The following BAHCC1 variants were observed in gnomAD, a reference collection of about 807,000 sequenced individuals.
BAHCC1 encodes the protein BAH domain and coiled-coil containing 1.
BAHCC1 carries 43 observed loss-of-function variants against 88.2 expected under a neutral mutation model. The ratio of observed to expected loss-of-function variants is 0.49; its 90% CI spans 0.38 to 0.63. BAHCC1 has a LOEUF of 0.63. Ranked by LOEUF, BAHCC1 falls within the 20% of genes least tolerant of loss-of-function variation. The pLI is 0.00. For missense variants in BAHCC1, 3,023 were observed against 1,654.8 expected (o/e 1.83, Z -14.34); for synonymous variants, 1,510 against 745.5 (o/e 2.03, Z -16.71).
chr17:81,463,851 G>A lies in BAHCC1; in HGVS notation c.*34G>A, dbSNP rs2030514716. On this transcript the variant is annotated 3_prime_UTR_variant, in exon 28 of 28. Transcript: ENST00000675386. ...CCGCAGATGCCTCCCACGTGCGCCAGGGACCCTGTGTGCGGAGCCTGGCGT... is the reference window on the plus strand; with the variant it reads ...CCGCAGATGCCTCCCACGTGCGCCAAGGACCCTGTGTGCGGAGCCTGGCGT... 1.4e-6 allele frequency: 1 copy of A among 700,948 alleles called. No homozygotes were observed. The highest frequency in any genetic ancestry group is 2.6e-6 in the Non-Finnish European group (1 of 383,876). 43.4% of individuals were successfully genotyped at this position (700,948 alleles called of 1,614,324 possible). A position where few individuals can be genotyped will look rare whatever the true frequency, so the allele number is the denominator to read the frequency against.
At position 81,463,811 on chromosome 17, in the gene BAHCC1, A is replaced by G. The variant is rs782790219; in HGVS notation, c.7821A>G (p.Leu2607=). The G allele has an allele frequency of 1.1e-5, 8 of 729,088 alleles. No individual in the cohort carries two copies. The highest frequency in any genetic ancestry group is 3.8e-5 in the Admixed American group (2 of 52,498). The allele number at this position is 729,088 out of a possible 1,614,324, so 45.2% of individuals were successfully genotyped here. ...TGACGGCTGATGGCGTGCCCATCCT[A>G]TGCTGAGCCGCCCACCGCAGATGCC... ...RLVTADGVPI[L]C The change falls in exon 28 of 28, where the codon CTA becomes CTG. Residue 2607 remains leucine, a synonymous_variant. Transcript: ENST00000675386.
chr17:81,457,325 C>T (rs1359585613), intron 16 of BAHCC1, 85 bp from the exon 17 acceptor site: 4 of 681,486 alleles, frequency 5.9e-6, no homozygotes, highest in Non-Finnish European at 1.1e-5. Context: ...CCCGCCATAA[C>T]CGCATGCCCA....
chr17:81,418,810 C>CGCGTGT (rs71302047), intron 2 of BAHCC1, among the ~76,000 whole-genome samples: 1 of 146,332 alleles, frequency 6.8e-6, no homozygotes, highest in Non-Finnish European at 1.5e-5. Flanking sequence ...TGTGTGTGTA[C>CGCGTGT]GTGTGTGTGT....
At position 81,435,814 on chromosome 17, in the gene BAHCC1, A is replaced by G. The variant is rs1319045714; in HGVS notation, c.359-2556A>G. ...GGCCGCAGCAGCCCTGCCTTCCCCC[A>G]CTCCTCAGTGGCAGCCCCTTCCAGG... On this transcript the variant is annotated intron_variant, in intron 3 of 27. Coordinates refer to ENST00000675386, the MANE Select transcript of BAHCC1 (RefSeq NM_001377448.1). The surrounding 1 kb of genome is among the most constrained non-coding windows in gnomAD (Gnocchi z 4.4). Among the ~76,000 whole-genome samples, 1 of 134,082 alleles carries G rather than the reference A, an allele frequency of 7.5e-6. No individual in the cohort carries two copies. The highest frequency in any genetic ancestry group is 1.6e-5 in the Non-Finnish European group (1 of 62,058). 88.0% of individuals were successfully genotyped at this position (134,082 alleles called of 152,430 possible). A position where few individuals can be genotyped will look rare whatever the true frequency, so the allele number is the denominator to read the frequency against.
chr17:81,455,942 C>T (rs1037092706), intron 15 of BAHCC1, among the ~76,000 whole-genome samples: 5 of 152,226 alleles, frequency 3.3e-5, no homozygotes, highest in Non-Finnish European at 7.3e-5. Flanking sequence ...CATACTTCAC[C>T]TGTCTGCCCA....
At chr17:81,456,091 G>A in intron 15 of BAHCC1, 1 of 545,032 alleles carries the variant, frequency 1.8e-6, no homozygotes. Flanking sequence ...GTGGGCAGTG[G>A]GTTGTGTGGG....
chr17:81,418,811 G>GCGCA (rs781840050), intron 2 of BAHCC1, among the ~76,000 whole-genome samples: 471 of 3,174 alleles, frequency 0.15, 4 homozygotes, highest in Middle Eastern at 0.5. Flanking sequence ...GTGTGTGTAC[G>GCGCA]TGTGTGTGTG....
intron 10 of BAHCC1, among the ~76,000 whole-genome samples, chr17:81,446,526 C>CTT (rs869297780): frequency 0.01 from 514 of 49,210 alleles, 135 homozygotes; most frequent in Non-Finnish European, 0.014. Flanking sequence ...CTGCTCACAC[C>CTT]TTTTTTTTTT....
Position 81,461,683 on chromosome 17 carries a change from C to G in BAHCC1, c.7020C>G (p.Ser2340=). 1 of 723,028 alleles carries G rather than the reference C, an allele frequency of 1.4e-6. No individual in the cohort carries two copies. Among genetic ancestry groups the G allele is most frequent in the Non-Finnish European group, 2.6e-6 (1 of 388,046 alleles). The allele number at this position is 723,028 out of a possible 1,614,324, so 44.8% of individuals were successfully genotyped here. ...GSVSTSSLCS[S]DNEDSSYSSD... ...TGTCCACCTCCAGCCTCTGCTCCTC[C>G]GACAACGAGGACTCGTCCTACAGCT... The change falls in exon 26 of 28, where the codon TCC becomes TCG. Residue 2340 remains serine (S), a synonymous_variant. Transcript: ENST00000675386.
Position 81,447,443 on chromosome 17 carries a change from G to A in BAHCC1, c.3571G>A (p.Glu1191Lys), listed in dbSNP as rs1555654838. Residue 1191 changes from glutamate to lysine, a missense_variant, in exon 11 of 28, where the codon GAG (glutamate) becomes AAG (lysine). Coordinates refer to ENST00000675386, the MANE Select transcript of BAHCC1 (RefSeq NM_001377448.1). The part of the protein sequence containing the change: ...AREERSREEG[E>K]QGPSSGASSQ... ...AGAAGAGAGGAGCAGGGAGGAGGGG[G>A]AGCAGGGGCCCTCGTCAGGGGCCTC... 1.3e-6 allele frequency: 1 copy of A among 745,558 alleles called. No individual in the cohort carries two copies. Among genetic ancestry groups the A allele is most frequent in the Non-Finnish European group, 2.5e-6 (1 of 401,084 alleles). 46.2% of individuals were successfully genotyped at this position (745,558 alleles called of 1,614,324 possible).
At chr17:81,400,704 G>C (rs2063805126) in intron 2 of BAHCC1, 1 of 153,690 alleles carries the variant, frequency 6.5e-6, no homozygotes, top group Non-Finnish European at 1.5e-5. Context: ...GTGGGGCGCC[G>C]TGCTGGGCCT....
At chr17:81,400,385 C>T (rs192529235) in intron 2 of BAHCC1, among the ~76,000 whole-genome samples, 2 of 152,050 alleles carry the variant, frequency 1.3e-5, no homozygotes, top group African/African-American at 2.4e-5. Context: ...GTGCGCCGGG[C>T]GAGCGTTAAT....
intron 14 of BAHCC1, among the ~76,000 whole-genome samples, chr17:81,453,257 G>A (rs545697778): frequency 6.6e-5 from 10 of 152,334 alleles, no homozygotes; most frequent in East Asian, 1.9e-4. Flanking sequence ...GGCTGCCGGC[G>A]CGATGTTATT....
rs782212210 is a variant in BAHCC1 at position 81,461,488 on chromosome 17, G to A, written c.6825G>A (p.Ala2275=). ...TGGGGCTGGCGCTGCGCAAGTACGC[G>A]GGCCAGGCAGAGTTCCCGCTGCCCT... is the stretch of plus-strand genomic sequence containing the variant. ...LPMGLALRKY[A]GQAEFPLPYD... is the part of the protein sequence containing the mutation. The change falls in exon 26 of 28, where the codon GCG becomes GCA. Residue 2275 remains alanine (A), a synonymous_variant. Transcript: ENST00000675386. 10 of 743,606 alleles carry A rather than the reference G, an allele frequency of 1.3e-5. No individual in the cohort carries two copies. Among genetic ancestry groups the A allele is most frequent in the South Asian group, 4.3e-5 (3 of 70,162 alleles). 46.1% of individuals were successfully genotyped at this position (743,606 alleles called of 1,614,324 possible).
intron 11 of BAHCC1, 112 bp downstream of exon 11, chr17:81,447,960 A>G (rs1272099305): frequency 6.0e-6 from 4 of 663,262 alleles, no homozygotes; most frequent in Non-Finnish European, 1.1e-5. Context: ...GTTGTCCCCA[A>G]AGTGTGGTAG....
intron 2 of BAHCC1, among the ~76,000 whole-genome samples, chr17:81,407,121 C>T (rs189353381): frequency 6.6e-6 from 1 of 152,316 alleles, no homozygotes; most frequent in African/African-American, 2.4e-5. Context: ...GACCCACTGT[C>T]ACTTGCAACT....
At chr17:81,410,500 G>A (rs1466175565) in intron 2 of BAHCC1, among the ~76,000 whole-genome samples, 1 of 152,236 alleles carries the variant, frequency 6.6e-6, no homozygotes, top group Non-Finnish European at 1.5e-5. Context: ...GTTTTGGTGT[G>A]AAGGTGGACG....
At chr17:81,409,324 C>A (rs896770635) in intron 2 of BAHCC1, among the ~76,000 whole-genome samples, 1 of 148,404 alleles carries the variant, frequency 6.7e-6, no homozygotes, top group African/African-American at 2.5e-5. Context: ...TAGCGCCACA[C>A]GAGGTGGTGG....
At chr17:81,410,104 G>A (rs1555647578) in intron 2 of BAHCC1, 2 of 347,896 alleles carry the variant, frequency 5.7e-6, no homozygotes, top group South Asian at 2.0e-5. Flanking sequence ...GTGGGACTGG[G>A]GGATGCAGTT....
Sources: allele counts gnomAD v4.1 joint callset (sites outside exome capture counted in the v4.1 genomes callset), GRCh38; gene constraint gnomAD v4.1.1; non-coding constraint Gnocchi (gnomAD v3.1); transcripts MANE v1.5; gene names NCBI Gene and HGNC (gene_info 2026-07-23, HGNC 2026-07-21).